The following GABRB2 variants were observed in gnomAD, a reference collection of about 807,000 sequenced individuals.
GABRB2 encodes gamma-aminobutyric acid receptor subunit beta-2.
GABRB2 carries 16 observed loss-of-function variants against 54.7 expected under a neutral mutation model. The ratio of observed to expected loss-of-function variants is 0.29; its 90% CI spans 0.20 to 0.44. The LOEUF (loss-of-function observed/expected upper bound fraction) is 0.44. Among genes scored for constraint, GABRB2 ranks in the 20% least tolerant of loss-of-function variants. The pLI is 1.00. For missense variants in GABRB2, 355 were observed against 644.0 expected, an observed-to-expected ratio of 0.55 and a Z score of 4.86; for synonymous variants, 244 against 233.8, an observed-to-expected ratio of 1.04 and a Z score of -0.40.
At chr5:161,547,678 G>A (rs1229547274), upstream of GABRB2, among the ~76,000 whole-genome samples, 1 of 152,162 alleles carries the variant, frequency 6.6e-6, no homozygotes, top group Non-Finnish European at 1.5e-5. Context: ...GCATGAGGGG[G>A]AGATGGGACG....
intron 4 of GABRB2, among the ~76,000 whole-genome samples, chr5:161,442,886 G>T (rs1479255683): frequency 6.6e-6 from 1 of 152,006 alleles, no homozygotes; most frequent in Non-Finnish European, 1.5e-5. Context: ...TCTTGATTCA[G>T]TTGGTCCCCT....
chr5:161,433,831 G>C (rs1326004298), intron 4 of GABRB2, among the ~76,000 whole-genome samples: 1 of 151,898 alleles, frequency 6.6e-6, no homozygotes, highest in Non-Finnish European at 1.5e-5. Flanking sequence ...ATTCAATATT[G>C]AAAAATAATT....
intron 4 of GABRB2, among the ~76,000 whole-genome samples, chr5:161,437,473 G>C (rs373569811): frequency 6.7e-4 from 102 of 152,166 alleles, no homozygotes; most frequent in African/African-American, 2.4e-3. Context: ...AAGACCCTTT[G>C]GGCCCTGACT....
chr5:161,545,593 A>G (rs1037536042), intron 2 of GABRB2, among the ~76,000 whole-genome samples: 5 of 152,042 alleles, frequency 3.3e-5, no homozygotes, highest in Non-Finnish European at 5.9e-5. Flanking sequence ...AAGCACAAGA[A>G]TCCTTCTAGT....
chr5:161,328,542 G>C (rs1308322357), intron 8 of GABRB2, among the ~76,000 whole-genome samples: 1 of 149,188 alleles, frequency 6.7e-6, no homozygotes, highest in African/African-American at 2.5e-5. Context: ...AAATGGGAAG[G>C]TAAATATTGA....
intron 5 of GABRB2, among the ~76,000 whole-genome samples, chr5:161,352,194 A>G (rs1450281192): frequency 6.6e-6 from 1 of 152,072 alleles, no homozygotes; most frequent in African/African-American, 2.4e-5. Flanking sequence ...CAGCGATTGC[A>G]CTACTGGGTA....
intron 8 of GABRB2, among the ~76,000 whole-genome samples, chr5:161,328,676 C>T (rs1040960883): frequency 4.2e-4 from 64 of 152,188 alleles, no homozygotes; most frequent in African/African-American, 1.4e-3. Context: ...AATATTTAGA[C>T]GACAAGGATA....
rs1486593194 is a variant in GABRB2, at chr5:161,290,888, T to C, written c.*3193A>G. On this transcript the variant is annotated 3_prime_UTR_variant, in exon 10 of 10. Coordinates refer to ENST00000393959, the MANE Select transcript of GABRB2 (RefSeq NM_001371727.1). ...TTTTGTAAGCTGACAGATTTTTTTGTGTGTGTTCCTAATGCTAGAATGTAA... is the reference window on the plus strand; with the variant it reads ...TTTTGTAAGCTGACAGATTTTTTTGCGTGTGTTCCTAATGCTAGAATGTAA... 1.3e-5 allele frequency: 2 copies of C among 152,606 alleles called. No homozygotes were observed. The highest frequency in any genetic ancestry group is 4.8e-5 in the African/African-American group (2 of 41,452). The allele number at this position is 152,606 out of a possible 1,614,324, so 9.5% of individuals were successfully genotyped here.
intron 4 of GABRB2, among the ~76,000 whole-genome samples, chr5:161,444,268 C>T (rs1451989178): frequency 6.6e-6 from 1 of 152,122 alleles, no homozygotes; most frequent in Non-Finnish European, 1.5e-5. Context: ...TATGATACCA[C>T]TGCTCTGCAA....
At position 161,495,740 on chromosome 5, in the gene GABRB2, G is replaced by A. The variant is rs565916540; in HGVS notation, c.238-35896C>T. Among the ~76,000 whole-genome samples the A allele has an allele frequency of 5.9e-5, 9 of 152,170 alleles. No homozygotes were observed. In the East Asian group the frequency reaches 9.7e-4, roughly 16 times the overall value. ...GATAAAGTCAGGGGCAACTCCAAAAGGAGATGTACTACTGCAAAATAGGGG... is the reference window on the plus strand; with the variant it reads ...GATAAAGTCAGGGGCAACTCCAAAAAGAGATGTACTACTGCAAAATAGGGG... On this transcript the variant is annotated intron_variant, in intron 3 of 9. Coordinates refer to ENST00000393959, the MANE Select transcript of GABRB2 (RefSeq NM_001371727.1).
chr5:161,478,894 A>G (rs189829126), intron 3 of GABRB2, among the ~76,000 whole-genome samples: 47 of 152,160 alleles, frequency 3.1e-4, no homozygotes, highest in Admixed American at 9.8e-4. Context: ...GCTTATTTTC[A>G]TTTTGCTCAG....
At position 161,334,639 on chromosome 5, in the gene GABRB2, GAGGTT is replaced by G. The variant is rs557727580; in HGVS notation, c.832+108_832+112del. On this transcript the variant is annotated intron_variant, in intron 7 of 9. Coordinates refer to ENST00000393959, the MANE Select transcript of GABRB2 (RefSeq NM_001371727.1). ...TCATAGCGAAACTCTTACAGTGTGAGAGGTTCAGTTGCGTCATGCACCACAAATTT... is the reference window on the plus strand; with the variant it reads ...TCATAGCGAAACTCTTACAGTGTGAGCAGTTGCGTCATGCACCACAAATTT... 293 of 1,009,314 alleles carry G rather than the reference GAGGTT, an allele frequency of 2.9e-4. 1 individual carries two copies. The African/African-American group carries it at 4.1e-3, about 14-fold the overall frequency. 62.5% of individuals were successfully genotyped at this position (1,009,314 alleles called of 1,614,324 possible). A position where few individuals can be genotyped will look rare whatever the true frequency, so the allele number is the denominator to read the frequency against.
At chr5:161,329,676 T>A (rs1753774179) in intron 8 of GABRB2, 2 of 152,204 alleles carry the variant, frequency 1.3e-5, no homozygotes, top group Admixed American at 1.3e-4. Context: ...AAGGAAATAA[T>A]CAGCTTTTGT....
Position 161,498,700 on chromosome 5 carries a change from C to G in GABRB2, c.238-38856G>C, listed in dbSNP as rs538827182. 8.5e-5 allele frequency among the ~76,000 whole-genome samples: 13 copies of G among 152,144 alleles called. No homozygotes were observed. In the South Asian group the frequency reaches 1.5e-3, roughly 17 times the overall value. ...CCCTCATGGCCTTTGGAACACAAGGCTCTGTGCCAAAGGGTGGAAGTCTGC... is the reference window on the plus strand; with the variant it reads ...CCCTCATGGCCTTTGGAACACAAGGGTCTGTGCCAAAGGGTGGAAGTCTGC... On this transcript the variant is annotated intron_variant, in intron 3 of 9. Transcript: ENST00000393959.
At chr5:161,483,199 T>C (rs538370546) in intron 3 of GABRB2, among the ~76,000 whole-genome samples, 1 of 152,088 alleles carries the variant, frequency 6.6e-6, no homozygotes, top group South Asian at 2.1e-4. Flanking sequence ...TGATAACATA[T>C]TGCATCGAAC....
chr5:161,453,592 G>A (rs1757857599), intron 4 of GABRB2, among the ~76,000 whole-genome samples: 2 of 152,164 alleles, frequency 1.3e-5, no homozygotes, highest in Non-Finnish European at 2.9e-5. Flanking sequence ...CTGCAGAACT[G>A]TGAGAAATAA....
rs73797577 is a variant in GABRB2, at chr5:161,335,022, C to A, written c.680-118G>T. On this transcript the variant is annotated intron_variant, in intron 6 of 9. Transcript: ENST00000393959. The stretch of plus-strand genomic sequence containing the variant: ...TTCAGTTTTAGCTCTTAGTGAAGGA[C>A]ACTTTCTTCTGCAAAAGTAGTCTGA... 1.0e-3 allele frequency: 1,030 copies of A among 996,960 alleles called. 8 individuals are homozygous for A. In the African/African-American group the frequency reaches 0.013, roughly 12 times the overall value. 61.8% of individuals were successfully genotyped at this position (996,960 alleles called of 1,614,324 possible).
chr5:161,509,651 C>T (rs977147039), intron 3 of GABRB2, among the ~76,000 whole-genome samples: 2 of 151,922 alleles, frequency 1.3e-5, no homozygotes, highest in Admixed American at 1.3e-4. Context: ...CATCTCTTCA[C>T]ATCACCACCT....
intron 9 of GABRB2, among the ~76,000 whole-genome samples, chr5:161,312,648 A>C (rs1389972576): frequency 6.6e-6 from 1 of 152,224 alleles, no homozygotes; most frequent in Non-Finnish European, 1.5e-5. Flanking sequence ...ATTAGAGCAC[A>C]TCAGTAAAAC....
Sources: allele counts gnomAD v4.1 joint callset (sites outside exome capture counted in the v4.1 genomes callset), GRCh38; gene constraint gnomAD v4.1.1; transcripts MANE v1.5; gene names NCBI Gene and HGNC (gene_info 2026-07-23, HGNC 2026-07-21).